The following TMCC1 variants were observed in gnomAD, a reference collection of about 807,000 sequenced individuals.
The protein encoded by TMCC1 is transmembrane and coiled-coil domain family 1, also known as transmembrane and coiled-coil domains protein 1.
In TMCC1, 15 loss-of-function variants were observed where a neutral mutation model predicts 52.4. The ratio of observed to expected loss-of-function variants is 0.29; its 90% CI spans 0.19 to 0.44. The LOEUF (loss-of-function observed/expected upper bound fraction) is 0.44, where lower values mean the gene tolerates loss of function less well. TMCC1 is among the 20% of genes least tolerant of loss of function. The pLI, the probability that TMCC1 is intolerant of heterozygous loss-of-function variation, is 1.00. For missense variants in TMCC1, 503 were observed against 806.0 expected, an observed-to-expected ratio of 0.62 and a Z score of 4.55; for synonymous variants, 279 against 301.9, an observed-to-expected ratio of 0.92 and a Z score of 0.79.
At chr3:129,746,328 G>A (rs1345763888) in intron 4 of TMCC1, among the ~76,000 whole-genome samples, 3 of 138,112 alleles carry the variant, frequency 2.2e-5, no homozygotes, top group African/African-American at 7.4e-5. Context: ...GCGCCACCAC[G>A]CCCAATTCAT....
intron 5 of TMCC1, among the ~76,000 whole-genome samples, chr3:129,662,930 T>A (rs2108866663): frequency 6.6e-6 from 1 of 152,336 alleles, no homozygotes; most frequent in Middle Eastern, 3.4e-3. Flanking sequence ...AGATTATTTT[T>A]TCTAAAAGCA....
At chr3:129,827,020 A>G (rs1326975205) in intron 4 of TMCC1, among the ~76,000 whole-genome samples, 2 of 152,202 alleles carry the variant, frequency 1.3e-5, no homozygotes, top group Admixed American at 1.3e-4. Flanking sequence ...CTGTGCCCAC[A>G]GTACTAAATT....
intron 4 of TMCC1, among the ~76,000 whole-genome samples, chr3:129,772,278 C>G (rs547116376): frequency 1.3e-5 from 2 of 152,022 alleles, no homozygotes; most frequent in South Asian, 4.1e-4. Context: ...AGCCAGGAGG[C>G]TGAAGTGAGT....
intron 4 of TMCC1, among the ~76,000 whole-genome samples, chr3:129,672,791 T>G (rs2088067281): frequency 6.6e-6 from 1 of 152,220 alleles, no homozygotes; most frequent in Non-Finnish European, 1.5e-5. Flanking sequence ...GATCACCTTC[T>G]TCCTCATATT....
At chr3:129,833,667 A>T (rs551305323) in intron 2 of TMCC1, among the ~76,000 whole-genome samples, 15 of 152,298 alleles carry the variant, frequency 9.8e-5, no homozygotes, top group African/African-American at 3.6e-4. Flanking sequence ...CCAAGGCAAG[A>T]AGGCTCATTT....
At chr3:129,719,907 G>A (rs1042079889) in intron 4 of TMCC1, among the ~76,000 whole-genome samples, 14 of 151,942 alleles carry the variant, frequency 9.2e-5, no homozygotes, top group Non-Finnish European at 1.0e-4. Flanking sequence ...GGCCAGGCAC[G>A]GTGTCTCATG....
chr3:129,696,998 T>C (rs2047458994), intron 4 of TMCC1, among the ~76,000 whole-genome samples: 1 of 152,206 alleles, frequency 6.6e-6, no homozygotes, highest in Admixed American at 6.5e-5. Flanking sequence ...CTTTTCCAGG[T>C]GCACAGTGGA....
intron 4 of TMCC1, among the ~76,000 whole-genome samples, chr3:129,781,603 A>G (rs1006150391): frequency 2.0e-5 from 3 of 152,180 alleles, no homozygotes; most frequent in Non-Finnish European, 4.4e-5. Context: ...AGCAAAGAAC[A>G]GCAAGGGGGC....
In TMCC1 at chr3:129,659,114, T is replaced by TA. The variant is rs1294655099; in HGVS notation, c.1512-4012dup. Among the ~76,000 whole-genome samples the TA allele has an allele frequency of 5.5e-5, 8 of 145,476 alleles. No individual in the cohort carries two copies. In the South Asian group the frequency reaches 1.8e-3, roughly 32 times the overall value. ...TCTTTCTTTTTTTTTTTTTTTTTTTTAAAGAGATGGGGTCTTGCTCTGTCA... is the reference window on the plus strand; with the variant it reads ...TCTTTCTTTTTTTTTTTTTTTTTTTTAAAAGAGATGGGGTCTTGCTCTGTCA... On this transcript the variant is annotated intron_variant, in intron 5 of 6. Transcript: ENST00000393238.
chr3:129,693,503 A>ATTTTTTTT (rs11433105), intron 4 of TMCC1, among the ~76,000 whole-genome samples: 24 of 121,988 alleles, frequency 2.0e-4, no homozygotes, highest in African/African-American at 5.5e-4. Context: ...CCAAGATTGA[A>ATTTTTTTT]TTTTTTTTTT....
intron 4 of TMCC1, among the ~76,000 whole-genome samples, chr3:129,723,261 C>T (rs1256894648): frequency 1.3e-5 from 2 of 151,916 alleles, no homozygotes; most frequent in African/African-American, 4.8e-5. Flanking sequence ...ACAAGTTTCA[C>T]ACTGAGATAT....
At chr3:129,892,578 G>A (rs778050864) in intron 1 of TMCC1, 1 of 151,376 alleles carries the variant, frequency 6.6e-6, no homozygotes, top group Non-Finnish European at 1.5e-5. Context: ...CACACCTTTC[G>A]TAGAGATGCT....
chr3:129,681,031 G>A lies in TMCC1; in HGVS notation c.577-9767C>T, dbSNP rs114726089. ...AGCAAGGTGCTATAGGAGATATGAT[G>A]ATGGTAGTGATACGGCACTGTTCAA... On this transcript the variant is annotated intron_variant, in intron 4 of 6. Transcript: ENST00000393238. 6.8e-3 allele frequency among the ~76,000 whole-genome samples: 1,034 copies of A among 152,266 alleles called. 11 individuals carry two copies. Among genetic ancestry groups the A allele is most frequent in the African/African-American group, 0.024 (985 of 41,536 alleles).
intron 2 of TMCC1, among the ~76,000 whole-genome samples, chr3:129,856,188 A>C (rs1378203898): frequency 2.0e-5 from 3 of 152,334 alleles, no homozygotes; most frequent in Non-Finnish European, 4.4e-5. Context: ...ATTCAGGATA[A>C]TACAACTGTA....
At chr3:129,800,925 AT>A (rs11394617) in intron 4 of TMCC1, among the ~76,000 whole-genome samples, 46 of 117,942 alleles carry the variant, frequency 3.9e-4, no homozygotes, top group Admixed American at 2.0e-3. Context: ...ATCTCACACT[AT>A]TTTTTTTTTT....
intron 2 of TMCC1, among the ~76,000 whole-genome samples, chr3:129,877,102 T>C (rs2061251070): frequency 6.6e-6 from 1 of 152,166 alleles, no homozygotes; most frequent in Admixed American, 6.5e-5. Context: ...TACCCAGAGT[T>C]ACAGATTTTT....
At chr3:129,712,951 T>C (rs1281897037) in intron 4 of TMCC1, among the ~76,000 whole-genome samples, 2 of 152,108 alleles carry the variant, frequency 1.3e-5, no homozygotes, top group Non-Finnish European at 1.5e-5. Flanking sequence ...CTCTCTCCAA[T>C]ATGAATCTTC....
intron 2 of TMCC1, chr3:129,848,258 T>C (rs1238184129): frequency 6.6e-6 from 1 of 152,244 alleles, no homozygotes; most frequent in East Asian, 1.9e-4. Flanking sequence ...GATTTTCTCC[T>C]GTATTTTCTT....
At chr3:129,879,556 A>G (rs1487852765) in intron 2 of TMCC1, among the ~76,000 whole-genome samples, 1 of 152,306 alleles carries the variant, frequency 6.6e-6, no homozygotes, top group South Asian at 2.1e-4. Context: ...CTTTCATGCA[A>G]ATTTTCTTAT....
Sources: allele counts gnomAD v4.1 joint callset (sites outside exome capture counted in the v4.1 genomes callset), GRCh38; gene constraint gnomAD v4.1.1; transcripts MANE v1.5; gene names NCBI Gene and HGNC (gene_info 2026-07-23, HGNC 2026-07-21).